The following DENND2B variants were observed in gnomAD, a reference collection of about 807,000 sequenced individuals.
The protein encoded by DENND2B is DENN domain containing 2B, also known as DENN domain-containing protein 2B.
Under a neutral mutation model 116.0 loss-of-function variants are expected in DENND2B, and 32 were observed. That is an observed-to-expected ratio of 0.28 (90% CI 0.21 to 0.37). The LOEUF (loss-of-function observed/expected upper bound fraction) is 0.37. DENND2B is among the 10% of genes least tolerant of loss of function. DENND2B has a pLI of 1.00. For missense variants in DENND2B, 1,276 were observed against 1,477.7 expected (o/e 0.86, Z 2.24); for synonymous variants, 588 against 583.9 (o/e 1.01, Z -0.10).
At chr11:8,732,245 AT>A (rs2048245092) in intron 2 of DENND2B, among the ~76,000 whole-genome samples, 1 of 152,264 alleles carries the variant, frequency 6.6e-6, no homozygotes, top group Non-Finnish European at 1.5e-5. Flanking sequence ...ACACTTCTGA[AT>A]AAATGTTTTT....
Position 8,712,517 on chromosome 11 carries a change from A to T in DENND2B, c.2172+34T>A. On this transcript the variant is annotated intron_variant, in intron 9 of 19. Coordinates refer to ENST00000313726, the MANE Select transcript of DENND2B (RefSeq NM_213618.2). This position sits in a 1 kb window ranked among gnomAD's most constrained non-coding sequence, Gnocchi z 4.4. The stretch of plus-strand genomic sequence containing the variant: ...GGCGGATAGAGGATGGAAGAGGGGG[A>T]ATATGGGCAAGGTGGGGAGAGAGAA... 1 of 1,535,888 alleles carries T rather than the reference A, an allele frequency of 6.5e-7. No individual in the cohort carries two copies. The highest frequency in any genetic ancestry group is 2.5e-5 in the East Asian group (1 of 40,600).
intron 1 of DENND2B, among the ~76,000 whole-genome samples, chr11:8,909,227 T>C (rs2064277630): frequency 6.6e-6 from 1 of 152,166 alleles, no homozygotes; most frequent in Non-Finnish European, 1.5e-5. Flanking sequence ...AGACCCTGTC[T>C]CTACGAAACA....
intron 1 of DENND2B, among the ~76,000 whole-genome samples, chr11:8,803,132 C>T (rs1273513457): frequency 6.6e-6 from 1 of 152,116 alleles, no homozygotes; most frequent in African/African-American, 2.4e-5. Flanking sequence ...CATCTGTACT[C>T]CCAGCACTTT....
At chr11:8,829,908 G>A (rs187753272) in intron 4 of DENND2B, among the ~76,000 whole-genome samples, 3 of 152,148 alleles carry the variant, frequency 2.0e-5, no homozygotes, top group Non-Finnish European at 2.9e-5. Flanking sequence ...CAAACAGAAC[G>A]TGTCAGTATT....
intron 1 of DENND2B, among the ~76,000 whole-genome samples, chr11:8,783,005 G>A (rs2058536689): frequency 6.6e-6 from 1 of 150,954 alleles, no homozygotes; most frequent in African/African-American, 2.4e-5. Context: ...TATACAAGTA[G>A]GCACAGCTAT....
chr11:8,868,374 C>A (rs2063659282), intron 2 of DENND2B, among the ~76,000 whole-genome samples: 1 of 152,180 alleles, frequency 6.6e-6, no homozygotes, highest in South Asian at 2.1e-4. Context: ...CTCCTTTTCT[C>A]AAAAATCTTT....
At chr11:8,755,381 T>G (rs1439264730) in intron 1 of DENND2B, among the ~76,000 whole-genome samples, 1 of 152,234 alleles carries the variant, frequency 6.6e-6, no homozygotes, top group South Asian at 2.1e-4. Context: ...TAATTCTTGA[T>G]AGCATTTATA....
At chr11:8,695,096 CAA>C (rs1413866340) in intron 19 of DENND2B, among the ~76,000 whole-genome samples, 2 of 151,928 alleles carry the variant, frequency 1.3e-5, no homozygotes, top group Non-Finnish European at 2.9e-5. Flanking sequence ...AATAAAATAA[CAA>C]AATTTATATT....
chr11:8,707,885 GAC>G lies in DENND2B; in HGVS notation c.2353-33_2353-32del. On this transcript the variant is annotated intron_variant, in intron 11 of 19. Coordinates refer to ENST00000313726, the MANE Select transcript of DENND2B (RefSeq NM_213618.2). The surrounding 1 kb of genome is among the most constrained non-coding windows in gnomAD (Gnocchi z 4.8). Reference sequence around the variant, plus strand: ...CCAGGACAAGGAGGAGGAGGAGAGAGACAGACACAGAGAATGCATGATTACCA... The same window carrying G: ...CCAGGACAAGGAGGAGGAGGAGAGAGAGACACAGAGAATGCATGATTACCA... 6.3e-7 allele frequency: 1 copy of G among 1,590,322 alleles called. No individual in the cohort carries two copies. Among genetic ancestry groups the G allele is most frequent in the South Asian group, 1.1e-5 (1 of 87,546 alleles).
chr11:8,754,339 T>C (rs898436320), intron 1 of DENND2B, among the ~76,000 whole-genome samples: 7 of 152,190 alleles, frequency 4.6e-5, no homozygotes, highest in African/African-American at 7.2e-5. Context: ...TCATTAGTCA[T>C]TAGGGAAATA....
intron 2 of DENND2B, among the ~76,000 whole-genome samples, chr11:8,737,799 G>C (rs150161957): frequency 6.7e-6 from 1 of 149,942 alleles, no homozygotes; most frequent in South Asian, 2.1e-4. Flanking sequence ...TTGCTCTGTC[G>C]CTCAGGCTGG....
intron 3 of DENND2B, among the ~76,000 whole-genome samples, chr11:8,843,126 C>T (rs2062683119): frequency 6.6e-6 from 1 of 152,094 alleles, no homozygotes; most frequent in Non-Finnish European, 1.5e-5. Flanking sequence ...AAGCAATTCT[C>T]CTGCCTCAGC....
At chr11:8,701,922 C>T (rs984806868) in intron 14 of DENND2B, among the ~76,000 whole-genome samples, 4 of 152,222 alleles carry the variant, frequency 2.6e-5, no homozygotes, top group African/African-American at 9.6e-5. Flanking sequence ...AAACCAGCTC[C>T]CCGACTTCCC....
At chr11:8,706,099 G>T (rs1261924445) in intron 13 of DENND2B, among the ~76,000 whole-genome samples, 1 of 152,116 alleles carries the variant, frequency 6.6e-6, no homozygotes, top group Admixed American at 6.6e-5. Context: ...ACAAAAGTCA[G>T]CTGGGTTTGG....
In DENND2B at chr11:8,714,619, A is replaced by T; in HGVS notation, c.1933T>A (p.Ser645Thr). Residue 645 changes from serine (S) to threonine (T), a missense_variant, in exon 7 of 20, where the codon TCA (serine) becomes ACA (threonine). By Grantham distance (58) the Ser-to-Thr change is moderately conservative. Coordinates refer to ENST00000313726, the MANE Select transcript of DENND2B (RefSeq NM_213618.2). ...TGGCACCAAAGCCTACCTCTCAGTGATGCTGTTTCAATGCTGGACATAGAC... is the reference window on the plus strand; with the variant it reads ...TGGCACCAAAGCCTACCTCTCAGTGTTGCTGTTTCAATGCTGGACATAGAC... ...KLSMSSIETA[S>T]LRDENSESES... 1 of 1,613,988 alleles carries T rather than the reference A, an allele frequency of 6.2e-7. No individual in the cohort carries two copies. The highest frequency in any genetic ancestry group is 1.1e-5 in the South Asian group (1 of 91,080).
intron 1 of DENND2B, chr11:8,895,417 A>G (rs1353570947): frequency 6.6e-6 from 1 of 152,194 alleles, no homozygotes; most frequent in Non-Finnish European, 1.5e-5. Context: ...AAAAAAATGG[A>G]TGGACATTCC....
intron 1 of DENND2B, among the ~76,000 whole-genome samples, chr11:8,791,519 C>A (rs2059375018): frequency 6.6e-6 from 1 of 152,116 alleles, no homozygotes; most frequent in African/African-American, 2.4e-5. Flanking sequence ...GTAATCCCAG[C>A]AATTTGGGAG....
intron 4 of DENND2B, among the ~76,000 whole-genome samples, chr11:8,724,668 A>T: frequency 6.6e-6 from 1 of 152,242 alleles, no homozygotes; most frequent in Admixed American, 6.5e-5. Context: ...TGGAAGACAA[A>T]TCCCAATGGA....
chr11:8,740,697 T>C (rs1179654914), intron 2 of DENND2B, among the ~76,000 whole-genome samples: 1 of 152,086 alleles, frequency 6.6e-6, no homozygotes, highest in African/African-American at 2.4e-5. Context: ...AATGCTTCCA[T>C]CCCTACTAAG....
Sources: allele counts gnomAD v4.1 joint callset (sites outside exome capture counted in the v4.1 genomes callset), GRCh38; gene constraint gnomAD v4.1.1; non-coding constraint Gnocchi (gnomAD v3.1); transcripts MANE v1.5; gene names NCBI Gene and HGNC (gene_info 2026-07-23, HGNC 2026-07-21).